The following ERG variants were observed in gnomAD, a reference collection of about 807,000 sequenced individuals.
The protein encoded by ERG is transcriptional regulator ERG.
ERG carries 9 observed loss-of-function variants against 55.3 expected under a neutral mutation model. The observed-to-expected ratio is 0.16, with a 90% CI of 0.10 to 0.28. ERG has a LOEUF of 0.28. Among genes scored for constraint, ERG ranks in the 10% least tolerant of loss-of-function variants. The probability of loss-of-function intolerance (pLI) is 1.00; values close to 1 mark genes in which losing one functional copy is unlikely to be tolerated. For missense variants in ERG, 434 were observed against 631.6 expected (o/e 0.69, Z 3.35); for synonymous variants, 223 against 237.3 (o/e 0.94, Z 0.55).
upstream of ERG, among the ~76,000 whole-genome samples, chr21:38,586,633 G>A (rs968077908): frequency 2.6e-5 from 4 of 152,170 alleles, no homozygotes; most frequent in African/African-American, 9.7e-5. Context: ...GATCAGTACA[G>A]TCATTATGGA....
At chr21:38,584,357 A>C (rs2060049374) in intron 1 of ERG, among the ~76,000 whole-genome samples, 1 of 152,244 alleles carries the variant, frequency 6.6e-6, no homozygotes, top group Non-Finnish European at 1.5e-5. Context: ...TTGTGAATAC[A>C]AAGATTCACT....
chr21:38,404,471 CG>C (rs1569070514), intron 3 of ERG, among the ~76,000 whole-genome samples: 2 of 152,078 alleles, frequency 1.3e-5, no homozygotes, highest in Admixed American at 1.3e-4. Flanking sequence ...GAGCAGGGCC[CG>C]GGGGAGAAGG....
chr21:38,414,322 C>A (rs983580012), intron 3 of ERG, among the ~76,000 whole-genome samples: 2 of 152,182 alleles, frequency 1.3e-5, no homozygotes, highest in East Asian at 3.8e-4. Flanking sequence ...CTCATCTTAA[C>A]TTGATTAAAT....
intron 9 of ERG, among the ~76,000 whole-genome samples, chr21:38,386,244 GA>G (rs1987686383): frequency 6.6e-6 from 1 of 152,174 alleles, no homozygotes; most frequent in Non-Finnish European, 1.5e-5. Context: ...AGGACTGTGA[GA>G]ATTTCAAGGG....
At chr21:38,453,621 T>C (rs1410403244) in intron 1 of ERG, among the ~76,000 whole-genome samples, 3 of 152,164 alleles carry the variant, frequency 2.0e-5, no homozygotes, top group African/African-American at 7.2e-5. Flanking sequence ...AGTGGCTCAC[T>C]CCAGTAATCC....
intron 1 of ERG, among the ~76,000 whole-genome samples, chr21:38,603,338 G>A (rs907115915): frequency 3.3e-5 from 5 of 152,100 alleles, no homozygotes; most frequent in South Asian, 2.1e-4. Context: ...AAACAGATTG[G>A]GGCCAGGCAC....
intron 3 of ERG, among the ~76,000 whole-genome samples, chr21:38,417,000 T>G (rs1354762582): frequency 2.6e-5 from 4 of 152,180 alleles, no homozygotes; most frequent in African/African-American, 9.7e-5. Flanking sequence ...CAATCTCCAT[T>G]CCTCACATGC....
intron 2 of ERG, among the ~76,000 whole-genome samples, chr21:38,546,534 C>T (rs1398615973): frequency 6.6e-6 from 1 of 152,180 alleles, no homozygotes; most frequent in Non-Finnish European, 1.5e-5. Flanking sequence ...TTGACACAAG[C>T]GCCCACAAAC....
rs141479221 is a variant in ERG, at chr21:38,578,342, C to T, written c.-126-2595G>A. On this transcript the variant is annotated intron_variant, in intron 1 of 8. Transcript: ENST00000398897. Reference sequence around the variant, plus strand: ...GATAGAGGGTAAATAGCTTGTTTCACTGTCACTATGGATAAGTACAAAGAT... The same window carrying T: ...GATAGAGGGTAAATAGCTTGTTTCATTGTCACTATGGATAAGTACAAAGAT... Among the ~76,000 whole-genome samples the T allele has an allele frequency of 2.4e-3, 360 of 152,350 alleles. 1 individual carries two copies. Among genetic ancestry groups the T allele is most frequent in the African/African-American group, 8.1e-3 (336 of 41,584 alleles).
chr21:38,510,703 A>G (rs2059505186), intron 2 of ERG, among the ~76,000 whole-genome samples: 1 of 152,220 alleles, frequency 6.6e-6, no homozygotes, highest in Admixed American at 6.5e-5. Context: ...AGGCTAATCC[A>G]TATCATTCTT....
chr21:38,450,895 C>T (rs774882795), intron 1 of ERG: 1 of 456,334 alleles, frequency 2.2e-6, no homozygotes, highest in South Asian at 1.6e-5. Context: ...CCTATAAGGT[C>T]AGCTGTGATT....
rs533547854 is a variant in ERG, at chr21:38,383,150, A to G, written c.*253T>C. 6.5e-5 allele frequency: 79 copies of G among 1,211,970 alleles called. No individual in the cohort carries two copies. The African/African-American group carries it at 1.2e-3, about 18-fold the overall frequency. 75.1% of individuals were successfully genotyped at this position (1,211,970 alleles called of 1,614,324 possible). A position where few individuals can be genotyped will look rare whatever the true frequency, so the allele number is the denominator to read the frequency against. On this transcript the variant is annotated 3_prime_UTR_variant, in exon 10 of 10. Transcript: ENST00000288319. The surrounding 1 kb of genome is among the most constrained non-coding windows in gnomAD (Gnocchi z 5.7). ...CTTAAGACTTCATGCTTCTACATACACTGTCTTTTACAAGGTCAGTCCACA... is the reference window on the plus strand; with the variant it reads ...CTTAAGACTTCATGCTTCTACATACGCTGTCTTTTACAAGGTCAGTCCACA...
At chr21:38,389,019 C>A (rs1013893662) in intron 9 of ERG, among the ~76,000 whole-genome samples, 1 of 152,228 alleles carries the variant, frequency 6.6e-6, no homozygotes, top group Admixed American at 6.5e-5. Context: ...CCAGTTTGGT[C>A]TTCTTTGGTG....
chr21:38,475,226 C>T (rs559939134), intron 1 of ERG, among the ~76,000 whole-genome samples: 1 of 152,224 alleles, frequency 6.6e-6, no homozygotes, highest in African/African-American at 2.4e-5. Context: ...TAATCAGTGG[C>T]AAGGGATGGG....
chr21:38,651,934 C>T (rs529368034), intron 1 of ERG, among the ~76,000 whole-genome samples: 17 of 152,280 alleles, frequency 1.1e-4, no homozygotes, highest in Admixed American at 9.1e-4. Flanking sequence ...ATTAGAGCAC[C>T]TCCTGCAAAG....
intron 1 of ERG, among the ~76,000 whole-genome samples, chr21:38,614,178 A>T (rs142133569): frequency 1.3e-5 from 2 of 152,296 alleles, no homozygotes; most frequent in East Asian, 3.9e-4. Flanking sequence ...TTCCTCCTAC[A>T]TATAACTTAT....
At chr21:38,661,111 C>G (rs9975531) in intron 1 of ERG, among the ~76,000 whole-genome samples, 122,600 of 149,682 alleles carry the variant, frequency 0.82, 50,685 homozygotes, top group African/African-American at 0.94. Flanking sequence ...AGGAACCCAG[C>G]ACGCGACTAC....
At chr21:38,654,473 A>G (rs922812284) in intron 1 of ERG, among the ~76,000 whole-genome samples, 4 of 152,360 alleles carry the variant, frequency 2.6e-5, no homozygotes, top group African/African-American at 7.2e-5. Context: ...CTCCATCTCT[A>G]AATAAATAAA....
intron 2 of ERG, among the ~76,000 whole-genome samples, chr21:38,555,122 T>G (rs949513520): frequency 2.0e-5 from 3 of 151,544 alleles, no homozygotes; most frequent in African/African-American, 7.3e-5. Context: ...AGGTCAGGAG[T>G]TTGAGACCAG....
Sources: gnomAD v4.1 joint callset for allele counts (sites outside exome capture counted in the v4.1 genomes callset) on GRCh38, gnomAD v4.1.1 for gene constraint, Gnocchi (gnomAD v3.1) non-coding constraint, MANE v1.5 for transcripts, NCBI Gene and HGNC (gene_info 2026-07-23, HGNC 2026-07-21) for gene names.